CSMD1: variants seen among roughly 807,000 people sequenced by gnomAD.
The protein encoded by CSMD1 is CUB and Sushi multiple domains 1.
A neutral mutation model predicts 417.5 loss-of-function variants in CSMD1; 213 were observed. The ratio of observed to expected loss-of-function variants is 0.51; its 90% CI spans 0.46 to 0.57. The LOEUF (loss-of-function observed/expected upper bound fraction) is 0.57. CSMD1 is among the 20% of genes least tolerant of loss of function. The probability of loss-of-function intolerance (pLI) is 0.00; values close to 1 mark genes in which losing one functional copy is unlikely to be tolerated. For synonymous variants in CSMD1, 2,862 were observed against 1,736.8 expected (o/e 1.65, Z -16.11); for missense variants, 6,923 against 4,529.7 (o/e 1.53, Z -15.17).
intron 49 of CSMD1, among the ~76,000 whole-genome samples, chr8:3,078,201 G>C (rs1813827594): frequency 6.6e-6 from 1 of 152,120 alleles, no homozygotes; most frequent in African/African-American, 2.4e-5. Flanking sequence ...ACAGTTCCTT[G>C]TGCAGAAAGG....
At chr8:4,926,937 G>T (rs1034348443) in intron 1 of CSMD1, among the ~76,000 whole-genome samples, 2 of 151,652 alleles carry the variant, frequency 1.3e-5, no homozygotes, top group Non-Finnish European at 2.9e-5. Context: ...CATTTACTTG[G>T]ACCCAAGTTT....
At chr8:4,135,409 A>G (rs113288391) in intron 3 of CSMD1, among the ~76,000 whole-genome samples, 786 of 71,040 alleles carry the variant, frequency 0.011, 6 homozygotes, top group African/African-American at 0.044. Flanking sequence ...AAAGAGGGAA[A>G]GAGGGGGAAG....
intron 55 of CSMD1, among the ~76,000 whole-genome samples, chr8:2,974,975 A>G (rs1397173443): frequency 1.3e-5 from 2 of 152,176 alleles, no homozygotes; most frequent in South Asian, 2.1e-4. Context: ...AAATTTGCGA[A>G]AGTAACATGG....
At chr8:3,482,309 T>C (rs887777452) in intron 11 of CSMD1, among the ~76,000 whole-genome samples, 9 of 152,058 alleles carry the variant, frequency 5.9e-5, no homozygotes, top group African/African-American at 1.7e-4. Flanking sequence ...CCCAGGCATA[T>C]TGATAGTAAA....
At chr8:4,678,516 A>G (rs1421766780) in intron 1 of CSMD1, among the ~76,000 whole-genome samples, 1 of 152,226 alleles carries the variant, frequency 6.6e-6, no homozygotes, top group African/African-American at 2.4e-5. Flanking sequence ...GTTACTGTAG[A>G]ATTAATGTTC....
chr8:3,777,619 C>G (rs1046178249), intron 5 of CSMD1, among the ~76,000 whole-genome samples: 1 of 152,222 alleles, frequency 6.6e-6, no homozygotes, highest in African/African-American at 2.4e-5. Flanking sequence ...GCCTCCCCCA[C>G]CAGCATCCCA....
intron 5 of CSMD1, among the ~76,000 whole-genome samples, chr8:3,784,521 T>C (rs1044706734): frequency 2.6e-5 from 4 of 152,196 alleles, no homozygotes; most frequent in Admixed American, 2.6e-4. Flanking sequence ...GAATCCTCAA[T>C]TTCTAACACA....
chr8:4,881,805 G>A (rs999371784), intron 1 of CSMD1, among the ~76,000 whole-genome samples: 1 of 151,978 alleles, frequency 6.6e-6, no homozygotes, highest in Admixed American at 6.5e-5. Context: ...GGAATAAGAT[G>A]ATTTGGGCCT....
intron 54 of CSMD1, among the ~76,000 whole-genome samples, chr8:2,991,484 A>G (rs1018845780): frequency 6.6e-5 from 10 of 152,236 alleles, no homozygotes; most frequent in African/African-American, 2.4e-4. Flanking sequence ...ATATGGCCTT[A>G]TCCTAAGACT....
chr8:4,949,741 A>T (rs1808611135), intron 1 of CSMD1, among the ~76,000 whole-genome samples: 1 of 152,172 alleles, frequency 6.6e-6, no homozygotes, highest in African/African-American at 2.4e-5. Flanking sequence ...AAATGTATTA[A>T]TTTTATCTTT....
chr8:3,676,179 G>C (rs1267902312), intron 7 of CSMD1, among the ~76,000 whole-genome samples: 2 of 152,146 alleles, frequency 1.3e-5, no homozygotes, highest in African/African-American at 2.4e-5. Context: ...CAATTTTATA[G>C]TCTTCTCCTC....
At position 3,369,321 on chromosome 8, in the gene CSMD1, A is replaced by C; in HGVS notation, c.2832T>G (p.Pro944=). The C allele has an allele frequency of 6.2e-7, 1 of 1,607,554 alleles. No individual in the cohort carries two copies. The highest frequency in any genetic ancestry group is 8.5e-7 in the Non-Finnish European group (1 of 1,174,384). The change falls in exon 19 of 70, where the codon CCT becomes CCG. Residue 944 remains proline, a synonymous_variant. Transcript: ENST00000635120. The part of the protein sequence containing the change: ...IQGKSGTVLS[P]GFPDFYPNSL... Reference sequence around the variant, plus strand: ...AGTTTGGATAAAAATCTGGAAACCCAGGAGAAAGGACTGTTCCACTCTTCC... The same window carrying C: ...AGTTTGGATAAAAATCTGGAAACCCCGGAGAAAGGACTGTTCCACTCTTCC...
chr8:3,448,837 T>C (rs565266811), intron 12 of CSMD1, among the ~76,000 whole-genome samples: 3 of 152,286 alleles, frequency 2.0e-5, no homozygotes, highest in Admixed American at 6.5e-5. Context: ...TCATGGATAA[T>C]TGTCTCCACT....
At chr8:4,720,577 C>T (rs891089519) in intron 1 of CSMD1, among the ~76,000 whole-genome samples, 7 of 152,034 alleles carry the variant, frequency 4.6e-5, no homozygotes, top group Admixed American at 2.0e-4. Context: ...GCCACCATGC[C>T]AGGCTAATTT....
At chr8:3,384,775 T>TAAA (rs1810881955) in intron 18 of CSMD1, among the ~76,000 whole-genome samples, 1 of 124,310 alleles carries the variant, frequency 8.0e-6, no homozygotes, top group African/African-American at 3.1e-5. Flanking sequence ...AAATATATAT[T>TAAA]TATATAATAT....
intron 5 of CSMD1, among the ~76,000 whole-genome samples, chr8:3,848,436 A>G (rs563569957): frequency 6.6e-6 from 1 of 152,302 alleles, no homozygotes; most frequent in South Asian, 2.1e-4. Context: ...GAGTTATTTC[A>G]ACTAATAGTT....
chr8:4,044,627 G>C (rs543883256), intron 3 of CSMD1, among the ~76,000 whole-genome samples: 6 of 128,144 alleles, frequency 4.7e-5, no homozygotes, highest in Admixed American at 1.6e-4. Context: ...GCAATAAGAA[G>C]AGACATAGCG....
At chr8:4,145,218 C>G (rs1217143888) in intron 3 of CSMD1, among the ~76,000 whole-genome samples, 1 of 150,962 alleles carries the variant, frequency 6.6e-6, no homozygotes, top group Non-Finnish European at 1.5e-5. Flanking sequence ...TACAGATCCT[C>G]TTTTCCAAAT....
chr8:4,666,848 T>G (rs1804968104), intron 1 of CSMD1, among the ~76,000 whole-genome samples: 1 of 152,198 alleles, frequency 6.6e-6, no homozygotes, highest in Admixed American at 6.5e-5. Context: ...AACTTTATAA[T>G]TTTGATGAAG....
Sources: allele counts gnomAD v4.1 joint callset (sites outside exome capture counted in the v4.1 genomes callset), GRCh38; gene constraint gnomAD v4.1.1; transcripts MANE v1.5; gene names NCBI Gene and HGNC (gene_info 2026-07-23, HGNC 2026-07-21).